PRDM16: variants seen among roughly 807,000 people sequenced by gnomAD.
PRDM16 encodes the protein histone-lysine N-methyltransferase PRDM16.
A neutral mutation model predicts 110.6 loss-of-function variants in PRDM16; 23 were observed. The ratio of observed to expected loss-of-function variants is 0.21; its 90% confidence interval spans 0.15 to 0.29. The LOEUF (loss-of-function observed/expected upper bound fraction) is 0.29, where lower values mean the gene tolerates loss of function less well. Among genes scored for constraint, PRDM16 ranks in the 10% least tolerant of loss-of-function variants. The pLI is 1.00. For missense variants in PRDM16, 1,615 were observed against 1,794.3 expected (o/e 0.90, Z 1.81); for synonymous variants, 799 against 781.8 (o/e 1.02, Z -0.37).
chr1:3,355,842 G>A (rs1015889925), intron 3 of PRDM16, among the ~76,000 whole-genome samples: 10 of 152,126 alleles, frequency 6.6e-5, no homozygotes, highest in Admixed American at 1.3e-4. Context: ...AGTCCTGCCC[G>A]CCCAGCCTGT....
chr1:3,100,311 C>T (rs559249864), intron 1 of PRDM16, among the ~76,000 whole-genome samples: 1 of 152,200 alleles, frequency 6.6e-6, no homozygotes, highest in South Asian at 2.1e-4. Flanking sequence ...CTTCATAAAA[C>T]GCAGAGTGAC....
chr1:3,220,655 GTC>G (rs1238690505), intron 2 of PRDM16, among the ~76,000 whole-genome samples: 1 of 152,206 alleles, frequency 6.6e-6, no homozygotes, highest in East Asian at 1.9e-4. Flanking sequence ...ACACCATTTG[GTC>G]TCTCTCCCCA....
At chr1:3,084,380 A>T (rs1214165558) in intron 1 of PRDM16, among the ~76,000 whole-genome samples, 1 of 152,156 alleles carries the variant, frequency 6.6e-6, no homozygotes, top group African/African-American at 2.4e-5. Flanking sequence ...CACAGTGCTG[A>T]TGGGGCCGAA....
Position 3,190,887 on chromosome 1 carries a change from G to C in PRDM16, c.387+4413G>C, listed in dbSNP as rs542644487. 6.6e-6 allele frequency among the ~76,000 whole-genome samples: 1 copy of C among 152,218 alleles called. No individual in the cohort carries two copies. Among genetic ancestry groups the C allele is most frequent in the East Asian group, 1.9e-4 (1 of 5,186 alleles). ...CGGCTGCCCGGTGACAGCCCAGAGGGAGGAGGCCATGGGTGAGGCACTGGG... is the reference window on the plus strand; with the variant it reads ...CGGCTGCCCGGTGACAGCCCAGAGGCAGGAGGCCATGGGTGAGGCACTGGG... On this transcript the variant is annotated intron_variant, in intron 2 of 16. Transcript: ENST00000270722. The surrounding 1 kb of genome is among the most constrained non-coding windows in gnomAD (Gnocchi z 5.0).
At chr1:3,378,013 C>T (rs1211657520) in intron 3 of PRDM16, among the ~76,000 whole-genome samples, 1 of 152,234 alleles carries the variant, frequency 6.6e-6, no homozygotes, top group African/African-American at 2.4e-5. Flanking sequence ...ACAGGCCCGG[C>T]TCCCAGACGT....
chr1:3,361,181 C>G (rs563945793), intron 3 of PRDM16, among the ~76,000 whole-genome samples: 64 of 152,316 alleles, frequency 4.2e-4, no homozygotes, highest in Admixed American at 6.5e-4. Context: ...TTTGGGAGGC[C>G]CCCGTCCCCC....
chr1:3,115,787 G>A (rs947357496), intron 1 of PRDM16, among the ~76,000 whole-genome samples: 13 of 152,234 alleles, frequency 8.5e-5, no homozygotes, highest in African/African-American at 1.9e-4. Context: ...CCCTCGGGCC[G>A]CTGGTGCCCA....
intron 3 of PRDM16, among the ~76,000 whole-genome samples, chr1:3,365,768 T>C (rs1402779353): frequency 6.6e-6 from 1 of 152,202 alleles, no homozygotes; most frequent in Non-Finnish European, 1.5e-5. Context: ...AGGTGATTAA[T>C]GAGAATTATC....
intron 1 of PRDM16, among the ~76,000 whole-genome samples, chr1:3,079,091 G>T (rs932515260): frequency 6.6e-6 from 1 of 152,232 alleles, no homozygotes; most frequent in African/African-American, 2.4e-5. Context: ...CGACGGCTCC[G>T]GGCATTAATC....
chr1:3,256,104 G>A (rs1212134414), intron 3 of PRDM16, among the ~76,000 whole-genome samples: 1 of 152,222 alleles, frequency 6.6e-6, no homozygotes, highest in Admixed American at 6.5e-5. Context: ...CTGGTAGTGA[G>A]GTTAACCAGG....
At chr1:3,156,733 C>T (rs1211619610) in intron 1 of PRDM16, among the ~76,000 whole-genome samples, 1 of 152,234 alleles carries the variant, frequency 6.6e-6, no homozygotes, top group Non-Finnish European at 1.5e-5. Flanking sequence ...GCTCACTACC[C>T]AGCCCCTGCC....
intron 3 of PRDM16, among the ~76,000 whole-genome samples, chr1:3,324,620 G>A (rs1223619310): frequency 6.6e-6 from 1 of 152,080 alleles, no homozygotes; most frequent in Admixed American, 6.5e-5. Context: ...CCTCTGAACT[G>A]GATGCATGGC....
At position 3,433,949 on chromosome 1, in the gene PRDM16, G is replaced by A. The variant is rs1638842649; in HGVS notation, c.*138G>A. 7 of 862,072 alleles carry A rather than the reference G, an allele frequency of 8.1e-6. No individual in the cohort carries two copies. Among genetic ancestry groups the A allele is most frequent in the South Asian group, 5.3e-5 (3 of 56,874 alleles). The allele number at this position is 862,072 out of a possible 1,614,324, so 53.4% of individuals were successfully genotyped here. A position where few individuals can be genotyped will look rare whatever the true frequency, so the allele number is the denominator to read the frequency against. On this transcript the variant is annotated 3_prime_UTR_variant, in exon 17 of 17. Transcript: ENST00000270722. ...CTCCCCACCCACCATGGTTCATTCC[G>A]ACTTTTCCAATGGAAACTCAGATCC...
At chr1:3,077,617 C>A (rs1240497210) in intron 1 of PRDM16, among the ~76,000 whole-genome samples, 1 of 152,194 alleles carries the variant, frequency 6.6e-6, no homozygotes, top group African/African-American at 2.4e-5. Flanking sequence ...ACAATGTCTC[C>A]TCCAATCAGC....
chr1:3,360,006 A>C (rs1003356771), intron 3 of PRDM16, among the ~76,000 whole-genome samples: 1 of 152,234 alleles, frequency 6.6e-6, no homozygotes, highest in African/African-American at 2.4e-5. Context: ...CAGCAAACGT[A>C]ATTAACTCCA....
In PRDM16 at chr1:3,265,144, A is replaced by G. The variant is rs1245248151; in HGVS notation, c.438+21007A>G. Among the ~76,000 whole-genome samples the G allele has an allele frequency of 6.6e-6, 1 of 152,086 alleles. No individual in the cohort carries two copies. Among genetic ancestry groups the G allele is most frequent in the Non-Finnish European group, 1.5e-5 (1 of 68,006 alleles). On this transcript the variant is annotated intron_variant, in intron 3 of 16. Transcript: ENST00000270722. This position sits in a 1 kb window ranked among gnomAD's most constrained non-coding sequence, Gnocchi z 4.5. ...TCCCTGGTGCCACCTATTGAGGCCG[A>G]GGCGAGCGGGCTGTTAGGACTGGGA...
rs918597357 is a variant in PRDM16 at position 3,208,816 on chromosome 1, A to G, written c.387+22342A>G. Among the ~76,000 whole-genome samples the G allele has an allele frequency of 1.3e-5, 2 of 152,178 alleles. No homozygotes were observed. Among genetic ancestry groups the G allele is most frequent in the African/African-American group, 4.8e-5 (2 of 41,444 alleles). On this transcript the variant is annotated intron_variant, in intron 2 of 16. Transcript: ENST00000270722. The surrounding 1 kb of genome is among the most constrained non-coding windows in gnomAD (Gnocchi z 6.1). ...CCCTTTGTGGGGTTTGTCCTTTGGA[A>G]CCATCTCCACCCCCTGAAGCCATCT...
At chr1:3,294,743 C>A (rs1199865253) in intron 3 of PRDM16, among the ~76,000 whole-genome samples, 3 of 152,184 alleles carry the variant, frequency 2.0e-5, no homozygotes, top group African/African-American at 7.2e-5. Context: ...CAAGAAAAGC[C>A]CACGAGAGAC....
At chr1:3,368,253 G>A (rs764322050) in intron 3 of PRDM16, among the ~76,000 whole-genome samples, 2 of 152,182 alleles carry the variant, frequency 1.3e-5, no homozygotes, top group Non-Finnish European at 2.9e-5. Context: ...TCCTCGTGGC[G>A]GACTTCCCAG....
Sources: allele counts gnomAD v4.1 joint callset (sites outside exome capture counted in the v4.1 genomes callset), GRCh38; gene constraint gnomAD v4.1.1; non-coding constraint Gnocchi (gnomAD v3.1); transcripts MANE v1.5; gene names NCBI Gene and HGNC (gene_info 2026-07-23, HGNC 2026-07-21).